Variants in CDH12 observed in about 807,000 individuals in gnomAD.
CDH12 encodes the protein cadherin 12, also known as cadherin-12.
A neutral mutation model predicts 74.1 loss-of-function variants in CDH12; 41 were observed. The observed-to-expected ratio is 0.55, with a 90% CI of 0.43 to 0.72. The LOEUF is 0.72. Among genes scored for constraint, CDH12 ranks in the 30% least tolerant of loss-of-function variants. CDH12 has a pLI of 0.00. For missense variants in CDH12, 945 were observed against 977.2 expected, an observed-to-expected ratio of 0.97 and a Z score of 0.44; for synonymous variants, 399 against 355.0, an observed-to-expected ratio of 1.12 and a Z score of -1.39.
Position 22,227,570 on chromosome 5 carries a change from T to A in CDH12, c.-332-14927A>T, listed in dbSNP as rs142957247. Among the ~76,000 whole-genome samples the A allele has an allele frequency of 2.7e-4, 41 of 152,306 alleles. No homozygotes were observed. In the East Asian group the frequency reaches 7.1e-3, roughly 27 times the overall value. On this transcript the variant is annotated intron_variant, in intron 3 of 14. Transcript: ENST00000382254. ...ACTTGAAACCTTAGCTAGTATAATT[T>A]AGATCCCTTGAGAAAATTATCTTGC...
intron 5 of CDH12, among the ~76,000 whole-genome samples, chr5:22,059,117 T>C (rs562189516): frequency 5.3e-5 from 8 of 152,126 alleles, no homozygotes; most frequent in Non-Finnish European, 1.0e-4. Flanking sequence ...GATCAGGTAG[T>C]GAATAAGAAA....
intron 3 of CDH12, among the ~76,000 whole-genome samples, chr5:22,322,294 G>A (rs1267378824): frequency 6.6e-6 from 1 of 151,564 alleles, no homozygotes; most frequent in Non-Finnish European, 1.5e-5. Flanking sequence ...AAAAGTAAAT[G>A]TATCAGAAGC....
intron 1 of CDH12, among the ~76,000 whole-genome samples, chr5:22,583,186 T>C (rs990573205): frequency 2.0e-5 from 3 of 152,326 alleles, no homozygotes; most frequent in Non-Finnish European, 2.9e-5. Flanking sequence ...TCAATAGCTA[T>C]CTTTAAGGAC....
rs189856133 is a variant in CDH12, at chr5:22,604,308, C to G, written c.-522-98944G>C. Among the ~76,000 whole-genome samples, 4 of 152,288 alleles carry G rather than the reference C, an allele frequency of 2.6e-5. No homozygotes were observed. In the East Asian group the frequency reaches 5.8e-4, roughly 22 times the overall value. On this transcript the variant is annotated intron_variant, in intron 1 of 14. Transcript: ENST00000382254. ...TGCCCAGCACTTGTGACTATCAGAA[C>G]AGAATTGACAGAGTTATGTTCATGA...
intron 4 of CDH12, among the ~76,000 whole-genome samples, chr5:22,199,341 G>C (rs1039196265): frequency 2.0e-5 from 3 of 152,158 alleles, no homozygotes; most frequent in Non-Finnish European, 2.9e-5. Context: ...GTAAAAACTA[G>C]ACTAGAAAAG....
chr5:22,636,073 C>G (rs921279846), intron 1 of CDH12, among the ~76,000 whole-genome samples: 3 of 151,826 alleles, frequency 2.0e-5, no homozygotes, highest in African/African-American at 7.3e-5. Context: ...TATAAATTAT[C>G]AATAAGCATA....
chr5:22,286,862 T>C (rs1292683297), intron 3 of CDH12, among the ~76,000 whole-genome samples: 2 of 152,214 alleles, frequency 1.3e-5, no homozygotes, highest in Admixed American at 6.5e-5. Context: ...AATTTGGTAA[T>C]ACTGAGACAT....
rs909354229 is a variant in CDH12, at chr5:22,783,416, C to T, written c.-523+69642G>A. Reference sequence around the variant, plus strand: ...CGGCTCACACTGGCTTTAATAAACCCGGTAGAAAATGGAGTTAGAATAGAC... The same window carrying T: ...CGGCTCACACTGGCTTTAATAAACCTGGTAGAAAATGGAGTTAGAATAGAC... On this transcript the variant is annotated intron_variant, in intron 1 of 14. Coordinates refer to ENST00000382254, the MANE Select transcript of CDH12 (RefSeq NM_004061.5). Among the ~76,000 whole-genome samples, 17 of 152,002 alleles carry T rather than the reference C, an allele frequency of 1.1e-4. No individual in the cohort carries two copies. In the East Asian group the frequency reaches 3.3e-3, roughly 30 times the overall value.
intron 3 of CDH12, among the ~76,000 whole-genome samples, chr5:22,257,749 G>T (rs998815003): frequency 1.3e-5 from 2 of 151,972 alleles, no homozygotes; most frequent in African/African-American, 4.8e-5. Flanking sequence ...GCCTGCCTCA[G>T]CCTCCCAAAG....
chr5:22,706,685 T>C (rs1743025434), intron 1 of CDH12, among the ~76,000 whole-genome samples: 1 of 152,136 alleles, frequency 6.6e-6, no homozygotes, highest in Non-Finnish European at 1.5e-5. Context: ...AATATATTAC[T>C]ACTATAAATA....
chr5:22,361,408 C>A (rs1282005209), intron 3 of CDH12, among the ~76,000 whole-genome samples: 2 of 152,128 alleles, frequency 1.3e-5, no homozygotes, highest in Non-Finnish European at 2.9e-5. Flanking sequence ...AACTACAAAT[C>A]ACTGCTCAAT....
intron 1 of CDH12, among the ~76,000 whole-genome samples, chr5:22,661,789 C>T (rs1401425925): frequency 2.0e-5 from 3 of 152,066 alleles, no homozygotes; most frequent in African/African-American, 7.2e-5. Context: ...AAATTAGATT[C>T]GTAGACTCTT....
chr5:22,377,281 C>T (rs1046617419), intron 3 of CDH12, among the ~76,000 whole-genome samples: 12 of 152,096 alleles, frequency 7.9e-5, no homozygotes, highest in Admixed American at 1.3e-4. Flanking sequence ...TTACAGTGTA[C>T]GTATTGGTTC....
chr5:21,908,597 G>A (rs912189769), intron 6 of CDH12, among the ~76,000 whole-genome samples: 5 of 152,158 alleles, frequency 3.3e-5, no homozygotes, highest in Admixed American at 3.3e-4. Context: ...AAGCCTGTTT[G>A]GGTCATATCT....
rs765658408 is a variant in CDH12, at chr5:21,816,994, TCAAA to T, written c.949_952del (p.Phe317ThrfsTer15). On this transcript the variant is annotated frameshift_variant, in exon 9 of 15. Transcript: ENST00000382254. LOFTEE classifies it high-confidence loss of function. ...TTGTGTATCCTCATCTGTGACGATG[TCAAA>T]CAAATTTCCCCCATCTCCTGGAACA... The T allele has an allele frequency of 6.2e-7, 1 of 1,612,794 alleles. No homozygotes were observed.
At chr5:22,594,876 C>T (rs186368366) in intron 1 of CDH12, among the ~76,000 whole-genome samples, 45 of 152,232 alleles carry the variant, frequency 3.0e-4, no homozygotes, top group East Asian at 2.9e-3. Flanking sequence ...AAAATGTATG[C>T]TTCTATTAGC....
chr5:22,828,299 G>T (rs945358278), intron 1 of CDH12, among the ~76,000 whole-genome samples: 1 of 152,090 alleles, frequency 6.6e-6, no homozygotes, highest in Non-Finnish European at 1.5e-5. Flanking sequence ...AAAATGGAAA[G>T]ATATTGGGGA....
chr5:22,789,600 G>A (rs1182029751), intron 1 of CDH12, among the ~76,000 whole-genome samples: 1 of 152,126 alleles, frequency 6.6e-6, no homozygotes, highest in Non-Finnish European at 1.5e-5. Flanking sequence ...TCTCATAAAA[G>A]TGTCTCACAA....
rs551423067 is a variant in CDH12, at chr5:22,284,060, GT to G, written c.-332-71418del. Among the ~76,000 whole-genome samples, 57 of 152,156 alleles carry G rather than the reference GT, an allele frequency of 3.7e-4. No homozygotes were observed. The South Asian group carries it at 0.012, about 31-fold the overall frequency. On this transcript the variant is annotated intron_variant, in intron 3 of 14. Coordinates refer to ENST00000382254, the MANE Select transcript of CDH12 (RefSeq NM_004061.5). ...ATTTTTTATTGGTAATCAAACTGAT[GT>G]TCATGCTGATGTTGAGTGCAAAAAA...
Sources: gnomAD v4.1 joint callset for allele counts (sites outside exome capture counted in the v4.1 genomes callset) on GRCh38, gnomAD v4.1.1 for gene constraint, MANE v1.5 for transcripts, NCBI Gene and HGNC (gene_info 2026-07-23, HGNC 2026-07-21) for gene names.